Variants in PRTFDC1 observed in about 807,000 individuals in gnomAD.
The protein encoded by PRTFDC1 is phosphoribosyl transferase domain containing 1, also known as phosphoribosyltransferase domain-containing protein 1.
In PRTFDC1, 38 loss-of-function variants were observed where a neutral mutation model predicts 34.6. That is an observed-to-expected ratio of 1.10 (90% CI 0.85 to 1.44). PRTFDC1 has a LOEUF of 1.44. PRTFDC1 is among the 40% of genes most tolerant of loss of function. The pLI is 0.00. For synonymous variants in PRTFDC1, 93 were observed against 98.1 expected (o/e 0.95, Z 0.31); for missense variants, 270 against 283.0 (o/e 0.95, Z 0.33).
At chr10:24,902,053 C>G (rs1588603379) in intron 3 of PRTFDC1, among the ~76,000 whole-genome samples, 1 of 152,098 alleles carries the variant, frequency 6.6e-6, no homozygotes, top group African/African-American at 2.4e-5. Context: ...GGTGACGATC[C>G]CTGCACAGCT....
intron 1 of PRTFDC1, among the ~76,000 whole-genome samples, chr10:24,948,240 C>T (rs274295): frequency 0.2 from 30,917 of 152,120 alleles, 3,293 homozygotes; most frequent in East Asian, 0.44. Context: ...TAGGTAAGTA[C>T]TAATAATAGC....
At chr10:24,914,318 G>C (rs1848665029) in intron 3 of PRTFDC1, among the ~76,000 whole-genome samples, 1 of 152,152 alleles carries the variant, frequency 6.6e-6, no homozygotes, top group Non-Finnish European at 1.5e-5. Flanking sequence ...AATAAAAAGA[G>C]AGTCATAGTG....
chr10:24,865,115 C>CAACAA (rs1222894966), intron 4 of PRTFDC1, among the ~76,000 whole-genome samples: 21 of 151,972 alleles, frequency 1.4e-4, no homozygotes, highest in East Asian at 3.9e-4. Context: ...GACTCTGTCT[C>CAACAA]AACAAAACAA....
chr10:24,934,740 C>T (rs944615555), intron 3 of PRTFDC1, among the ~76,000 whole-genome samples: 1 of 152,230 alleles, frequency 6.6e-6, no homozygotes, highest in Non-Finnish European at 1.5e-5. Context: ...TCATTGATGA[C>T]TTCTGTCTCC....
chr10:24,852,604 T>C (rs1027732218), intron 7 of PRTFDC1, among the ~76,000 whole-genome samples: 2 of 152,222 alleles, frequency 1.3e-5, no homozygotes, highest in African/African-American at 2.4e-5. Flanking sequence ...CTAATACTTA[T>C]TGGAGAGAAT....
At chr10:24,917,058 C>G (rs1261709680) in intron 3 of PRTFDC1, among the ~76,000 whole-genome samples, 2 of 152,202 alleles carry the variant, frequency 1.3e-5, no homozygotes. Context: ...CAGTAATTAG[C>G]TGCATTCATA....
At chr10:24,936,150 G>A (rs1000854824) in intron 3 of PRTFDC1, among the ~76,000 whole-genome samples, 12 of 152,184 alleles carry the variant, frequency 7.9e-5, no homozygotes, top group African/African-American at 2.9e-4. Context: ...TAGTCAACGA[G>A]AATATTTTCA....
Position 24,952,120 on chromosome 10 carries a change from T to A in PRTFDC1, c.48+408A>T, listed in dbSNP as rs1849354619. Among the ~76,000 whole-genome samples, 1 of 152,168 alleles carries A rather than the reference T, an allele frequency of 6.6e-6. No homozygotes were observed. The highest frequency in any genetic ancestry group is 1.5e-5 in the Non-Finnish European group (1 of 68,024). ...TCAGTGTGCTTTTTAAAAACAAAAC[T>A]TGAAGCCCGCCCTGGAGGAGTCAAG... is the stretch of plus-strand genomic sequence containing the variant. On this transcript the variant is annotated intron_variant, in intron 1 of 8. Transcript: ENST00000320152. This position sits in a 1 kb window ranked among gnomAD's most constrained non-coding sequence, Gnocchi z 5.1.
At chr10:24,904,762 A>C (rs1056916563) in intron 3 of PRTFDC1, among the ~76,000 whole-genome samples, 3 of 152,152 alleles carry the variant, frequency 2.0e-5, no homozygotes, top group Non-Finnish European at 4.4e-5. Context: ...GATCCTGTCC[A>C]TGTGCCCCTC....
chr10:24,947,714 T>C (rs1053177658), intron 1 of PRTFDC1, among the ~76,000 whole-genome samples: 2 of 152,008 alleles, frequency 1.3e-5, no homozygotes, highest in African/African-American at 4.8e-5. Context: ...TCTGCTCCTC[T>C]CCCCTGCTGA....
intron 3 of PRTFDC1, among the ~76,000 whole-genome samples, chr10:24,877,603 T>C (rs377022026): frequency 5.3e-5 from 8 of 152,286 alleles, no homozygotes; most frequent in East Asian, 3.9e-4. Context: ...TAATGTTCAG[T>C]AGAGCTCAGA....
intron 2 of PRTFDC1, among the ~76,000 whole-genome samples, chr10:24,938,039 A>G (rs1413046117): frequency 6.6e-6 from 1 of 151,654 alleles, no homozygotes; most frequent in Non-Finnish European, 1.5e-5. Flanking sequence ...CAGCCTGGCC[A>G]ACGTGGTGAA....
At chr10:24,883,615 C>G (rs1565265423) in intron 3 of PRTFDC1, among the ~76,000 whole-genome samples, 1 of 152,142 alleles carries the variant, frequency 6.6e-6, no homozygotes, top group Non-Finnish European at 1.5e-5. Context: ...AACCTTGAAG[C>G]AGGATATCCT....
chr10:24,890,776 C>T (rs1470787074), intron 3 of PRTFDC1, among the ~76,000 whole-genome samples: 5 of 152,192 alleles, frequency 3.3e-5, no homozygotes, highest in South Asian at 2.1e-4. Context: ...TGTTCAGGGT[C>T]GCCTGCCTCT....
chr10:24,892,716 C>T (rs1848285818), intron 3 of PRTFDC1, among the ~76,000 whole-genome samples: 1 of 151,986 alleles, frequency 6.6e-6, no homozygotes. Context: ...ATCCACTGGT[C>T]CACAAGCAGA....
chr10:24,917,756 A>T (rs181785366), intron 3 of PRTFDC1, among the ~76,000 whole-genome samples: 1 of 152,204 alleles, frequency 6.6e-6, no homozygotes, highest in East Asian at 1.9e-4. Flanking sequence ...TCAGTGGGGG[A>T]GTCCCAAATG....
intron 2 of PRTFDC1, among the ~76,000 whole-genome samples, chr10:24,937,750 G>A (rs546449388): frequency 6.6e-6 from 1 of 151,896 alleles, no homozygotes; most frequent in Admixed American, 6.6e-5. Flanking sequence ...TAGAGACGAG[G>A]TTTTGCCATG....
chr10:24,905,295 AT>A (rs1848515689), intron 3 of PRTFDC1, among the ~76,000 whole-genome samples: 2 of 150,382 alleles, frequency 1.3e-5, no homozygotes, highest in South Asian at 4.2e-4. Flanking sequence ...CCTGGGCAAC[AT>A]AGTGAAACCC....
intron 4 of PRTFDC1, among the ~76,000 whole-genome samples, chr10:24,870,227 C>G (rs1422309812): frequency 6.6e-6 from 1 of 152,158 alleles, no homozygotes; most frequent in Non-Finnish European, 1.5e-5. Flanking sequence ...TCTTCCTCAG[C>G]CTCCCAAGTA....
Sources: allele counts gnomAD v4.1 joint callset (sites outside exome capture counted in the v4.1 genomes callset), GRCh38; gene constraint gnomAD v4.1.1; non-coding constraint Gnocchi (gnomAD v3.1); transcripts MANE v1.5; gene names NCBI Gene and HGNC (gene_info 2026-07-23, HGNC 2026-07-21).